MYRIP: variants seen among roughly 807,000 people sequenced by gnomAD.
MYRIP encodes the protein rab effector MyRIP.
Under a neutral mutation model 98.0 loss-of-function variants are expected in MYRIP, and 49 were observed. The observed-to-expected ratio is 0.50, with a 90% CI of 0.40 to 0.63. The LOEUF is 0.63. Among genes scored for constraint, MYRIP ranks in the 30% least tolerant of loss-of-function variants. The pLI is 0.00. For missense variants in MYRIP, 1,004 were observed against 1,058.2 expected (o/e 0.95, Z 0.71); for synonymous variants, 404 against 409.5 (o/e 0.99, Z 0.16).
At chr3:39,955,681 TAACCTTAA>T (rs1945138524) in intron 2 of MYRIP, among the ~76,000 whole-genome samples, 1 of 152,084 alleles carries the variant, frequency 6.6e-6, no homozygotes, top group Non-Finnish European at 1.5e-5. Flanking sequence ...ATAACAATAT[TAACCTTAA>T]ATGTAAATGG....
At chr3:39,829,117 C>T (rs73072866) in intron 1 of MYRIP, among the ~76,000 whole-genome samples, 69 of 152,292 alleles carry the variant, frequency 4.5e-4, no homozygotes, top group Non-Finnish European at 7.9e-4. Flanking sequence ...GTTCTGTGAT[C>T]GCCACATCCA....
intron 2 of MYRIP, among the ~76,000 whole-genome samples, chr3:40,000,284 T>A (rs961655830): frequency 6.6e-6 from 1 of 152,196 alleles, no homozygotes; most frequent in Non-Finnish European, 1.5e-5. Context: ...TTTGAGCTAT[T>A]GTCAAAATAT....
At chr3:40,151,379 G>A (rs76629948) in intron 4 of MYRIP, among the ~76,000 whole-genome samples, 195 bp downstream of exon 4, 3,898 of 152,268 alleles carry the variant, frequency 0.026, 62 homozygotes, top group Non-Finnish European at 0.039. Context: ...TGGTTCCAGC[G>A]TCCCCACTGG....
At chr3:40,237,810 CA>C (rs1952864203) in intron 12 of MYRIP, among the ~76,000 whole-genome samples, 1 of 152,042 alleles carries the variant, frequency 6.6e-6, no homozygotes, top group African/African-American at 2.4e-5. Flanking sequence ...AGTATGGTAC[CA>C]AAAAACAGTG....
intron 1 of MYRIP, among the ~76,000 whole-genome samples, chr3:39,876,200 C>G (rs149830334): frequency 0.035 from 5,281 of 152,078 alleles, 126 homozygotes; most frequent in Non-Finnish European, 0.042. Flanking sequence ...CTTGGTAGAT[C>G]TTCTTCCATC....
intron 3 of MYRIP, among the ~76,000 whole-genome samples, chr3:40,080,994 G>T (rs1465510555): frequency 1.3e-5 from 2 of 150,458 alleles, no homozygotes; most frequent in East Asian, 1.9e-4. Context: ...TTTTTTCTTC[G>T]ACCTATGTGT....
At chr3:39,890,604 A>G (rs1417686972) in intron 1 of MYRIP, among the ~76,000 whole-genome samples, 2 of 149,176 alleles carry the variant, frequency 1.3e-5, no homozygotes, top group South Asian at 2.1e-4. Context: ...TGGAAAGTTC[A>G]TAGGGGTAGG....
At chr3:40,233,750 T>C in intron 11 of MYRIP, 109 bp from the exon 12 acceptor site, 1 of 1,036,654 alleles carries the variant, frequency 9.6e-7, no homozygotes, top group South Asian at 1.5e-5. Flanking sequence ...GTGTGTGGAA[T>C]TACAGAATCA....
intron 10 of MYRIP, among the ~76,000 whole-genome samples, chr3:40,205,161 G>T: frequency 6.6e-6 from 1 of 152,140 alleles, no homozygotes; most frequent in East Asian, 1.9e-4. Context: ...ATCATCATGA[G>T]GTGGGGGGTC....
chr3:40,256,170 T>C (rs146864423), intron 16 of MYRIP, among the ~76,000 whole-genome samples: 61 of 152,318 alleles, frequency 4.0e-4, no homozygotes, highest in African/African-American at 1.3e-3. Context: ...GGCCACCATG[T>C]TGGACAGGGC....
intron 11 of MYRIP, among the ~76,000 whole-genome samples, chr3:40,213,517 G>A (rs115962792): frequency 0.012 from 1,789 of 152,190 alleles, 41 homozygotes; most frequent in African/African-American, 0.039. Flanking sequence ...GAGTGTAAGT[G>A]TGGAAATCAC....
chr3:39,917,374 TG>T (rs143958139), intron 2 of MYRIP, among the ~76,000 whole-genome samples: 94 of 147,910 alleles, frequency 6.4e-4, no homozygotes, highest in African/African-American at 2.2e-3. Context: ...CATAGCAAAG[TG>T]AAACTAAACA....
intron 1 of MYRIP, among the ~76,000 whole-genome samples, chr3:39,875,725 T>G (rs1305828083): frequency 1.3e-5 from 2 of 151,168 alleles, no homozygotes; most frequent in Non-Finnish European, 3.0e-5. Flanking sequence ...ATAATTTCTG[T>G]TCTTTTACAT....
chr3:39,997,792 A>T (rs1946404828), intron 2 of MYRIP, among the ~76,000 whole-genome samples: 1 of 152,230 alleles, frequency 6.6e-6, no homozygotes, highest in Non-Finnish European at 1.5e-5. Context: ...ATGATAAAAT[A>T]CTGGCAAACG....
At chr3:39,901,411 C>T (rs946365768) in intron 2 of MYRIP, among the ~76,000 whole-genome samples, 1 of 152,142 alleles carries the variant, frequency 6.6e-6, no homozygotes, top group Non-Finnish European at 1.5e-5. Flanking sequence ...TGGCTTAGCA[C>T]CACTTCCCTC....
intron 2 of MYRIP, among the ~76,000 whole-genome samples, chr3:39,943,031 A>G (rs956123940): frequency 1.3e-5 from 2 of 152,150 alleles, no homozygotes; most frequent in African/African-American, 4.8e-5. Context: ...GTGGTGATAA[A>G]GTGATCACAT....
chr3:39,872,450 T>C (rs933761686), intron 1 of MYRIP, among the ~76,000 whole-genome samples: 44 of 152,022 alleles, frequency 2.9e-4, no homozygotes, highest in African/African-American at 8.7e-4. Flanking sequence ...ACTCGTCATT[T>C]AGCATTAGTT....
intron 1 of MYRIP, among the ~76,000 whole-genome samples, chr3:39,852,320 C>A (rs975382501): frequency 1.3e-5 from 2 of 152,174 alleles, no homozygotes; most frequent in Non-Finnish European, 1.5e-5. Context: ...TCTGGTCCCA[C>A]CCAGGCAGGG....
At chr3:39,945,147 G>A (rs369284803) in intron 2 of MYRIP, among the ~76,000 whole-genome samples, 5 of 151,630 alleles carry the variant, frequency 3.3e-5, no homozygotes, top group East Asian at 1.9e-4. Context: ...TGTGCCCAGC[G>A]GGTTTTATGT....
Sources: gnomAD v4.1 joint callset for allele counts (sites outside exome capture counted in the v4.1 genomes callset) on GRCh38, gnomAD v4.1.1 for gene constraint, MANE v1.5 for transcripts, NCBI Gene and HGNC (gene_info 2026-07-23, HGNC 2026-07-21) for gene names.